SEC61B: variants seen among roughly 807,000 people sequenced by gnomAD.
The protein encoded by SEC61B is protein transport protein Sec61 subunit beta.
A neutral mutation model predicts 12.6 loss-of-function variants in SEC61B; 7 were observed. That is an observed-to-expected ratio of 0.55 (90% CI 0.32 to 1.04). The LOEUF (loss-of-function observed/expected upper bound fraction) is 1.04, where lower values mean the gene tolerates loss of function less well. SEC61B is among the 50% of genes least tolerant of loss of function. SEC61B has a pLI of 0.05. For synonymous variants in SEC61B, 54 were observed against 50.1 expected, an observed-to-expected ratio of 1.08 and a Z score of -0.33; for missense variants, 107 against 130.1, an observed-to-expected ratio of 0.82 and a Z score of 0.86.
rs1828831005 is a variant in SEC61B, at chr9:99,222,304, T to C, written c.-60T>C. On this transcript the variant is annotated 5_prime_UTR_variant, in exon 1 of 4. Coordinates refer to ENST00000223641, the MANE Select transcript of SEC61B (RefSeq NM_006808.3). ...GTCAGTCTCGCCAGCTGCCGGTCTT[T>C]CGGGGGCTCCGTAACTTTCTATCCG... The C allele has an allele frequency of 1.2e-6, 2 of 1,613,874 alleles. No homozygotes were observed. Among genetic ancestry groups the C allele is most frequent in the Non-Finnish European group, 1.7e-6 (2 of 1,179,828 alleles).
intron 2 of SEC61B, 128 bp downstream of exon 2, chr9:99,222,771 G>T: frequency 1.5e-6 from 1 of 675,438 alleles, no homozygotes; most frequent in East Asian, 2.9e-5. Context: ...TGACGTGGCC[G>T]TGGGAGTAGT....
chr9:99,222,306 G>C lies in SEC61B; in HGVS notation c.-58G>C, dbSNP rs558601987. 1.2e-5 allele frequency: 20 copies of C among 1,613,662 alleles called. No individual in the cohort carries two copies. The highest frequency in any genetic ancestry group is 2.7e-5 in the African/African-American group (2 of 75,020). On this transcript the variant is annotated 5_prime_UTR_variant, in exon 1 of 4. Coordinates refer to ENST00000223641, the MANE Select transcript of SEC61B (RefSeq NM_006808.3). Reference sequence around the variant, plus strand: ...CAGTCTCGCCAGCTGCCGGTCTTTCGGGGGCTCCGTAACTTTCTATCCGTC... The same window carrying C: ...CAGTCTCGCCAGCTGCCGGTCTTTCCGGGGCTCCGTAACTTTCTATCCGTC...
At chr9:99,225,467 A>AT (rs952612632) in intron 2 of SEC61B, among the ~76,000 whole-genome samples, 1 of 152,156 alleles carries the variant, frequency 6.6e-6, no homozygotes, top group Non-Finnish European at 1.5e-5. Flanking sequence ...AAGTATGAAG[A>AT]TTCTGAGGTC....
intron 3 of SEC61B, 29 bp from the exon 4 acceptor site, chr9:99,230,308 G>A (rs913605727): frequency 7.0e-7 from 1 of 1,430,758 alleles, no homozygotes; most frequent in Non-Finnish European, 9.8e-7. Context: ...ATTACTAAAA[G>A]TAAGCATGCT....
At chr9:99,227,093 CTG>C (rs1828905988) in intron 2 of SEC61B, among the ~76,000 whole-genome samples, 1 of 151,868 alleles carries the variant, frequency 6.6e-6, no homozygotes, top group South Asian at 2.1e-4. Flanking sequence ...TGGTGAAACC[CTG>C]TCTCTACTAA....
chr9:99,230,543 G>C lies in SEC61B; in HGVS notation c.*119G>C. The stretch of plus-strand genomic sequence containing the variant: ...TTTTCTGTAAGCTTGCTGTTTTACA[G>C]GGGATTTATCAATAATTGATTTTGA... On this transcript the variant is annotated 3_prime_UTR_variant, in exon 4 of 4. Coordinates refer to ENST00000223641, the MANE Select transcript of SEC61B (RefSeq NM_006808.3). The C allele has an allele frequency of 1.5e-6, 1 of 680,750 alleles. No homozygotes were observed. The highest frequency in any genetic ancestry group is 2.6e-6 in the Non-Finnish European group (1 of 390,290). The allele number at this position is 680,750 out of a possible 1,614,324, so 42.2% of individuals were successfully genotyped here. A position where few individuals can be genotyped will look rare whatever the true frequency, so the allele number is the denominator to read the frequency against.
chr9:99,224,572 C>T (rs897929084), intron 2 of SEC61B, among the ~76,000 whole-genome samples: 1 of 152,088 alleles, frequency 6.6e-6, no homozygotes, highest in African/African-American at 2.4e-5. Flanking sequence ...AATGAAATAA[C>T]TGATGCACAA....
rs756894282 is a variant in SEC61B at position 99,222,329 on chromosome 9, G to A, written c.-35G>A. The A allele has an allele frequency of 2.1e-5, 34 of 1,613,946 alleles. No individual in the cohort carries two copies. The Admixed American group carries it at 5.7e-4, about 27-fold the overall frequency. On this transcript the variant is annotated 5_prime_UTR_variant, in exon 1 of 4. Transcript: ENST00000223641. Reference sequence around the variant, plus strand: ...TCGGGGGCTCCGTAACTTTCTATCCGTCCGCGTCAGCGCCTTGCCACCCTC... The same window carrying A: ...TCGGGGGCTCCGTAACTTTCTATCCATCCGCGTCAGCGCCTTGCCACCCTC...
rs1828885014 is a variant in SEC61B at position 99,225,585 on chromosome 9, C to G, written c.102-2314C>G. 2.0e-5 allele frequency among the ~76,000 whole-genome samples: 3 copies of G among 152,170 alleles called. No homozygotes were observed. The South Asian group carries it at 6.2e-4, about 32-fold the overall frequency. ...GAGGTATAGAAGGGAGAGACAGTTA[C>G]ACAGTGGCCAGAAAGAAAGGGTAAA... On this transcript the variant is annotated intron_variant, in intron 2 of 3. Coordinates refer to ENST00000223641, the MANE Select transcript of SEC61B (RefSeq NM_006808.3).
intron 3 of SEC61B, among the ~76,000 whole-genome samples, chr9:99,228,913 G>A (rs1329944204): frequency 6.6e-6 from 1 of 152,138 alleles, no homozygotes; most frequent in Non-Finnish European, 1.5e-5. Flanking sequence ...TAAGTCCTAT[G>A]CTCTTTGCAT....
intron 2 of SEC61B, among the ~76,000 whole-genome samples, chr9:99,226,744 AG>A (rs761786290): frequency 6.6e-6 from 1 of 152,114 alleles, no homozygotes; most frequent in Non-Finnish European, 1.5e-5. Context: ...CCGGTGACTG[AG>A]GGCTTCTCCC....
chr9:99,228,038 GGCAGCAGA>G (rs1266383969), intron 3 of SEC61B, 38 bp downstream of exon 3: 1 of 1,517,000 alleles, frequency 6.6e-7, no homozygotes, highest in Non-Finnish European at 9.1e-7. Flanking sequence ...TCTGTCCAGT[GGCAGCAGA>G]GCAGCAGTGG....
Position 99,222,602 on chromosome 9 carries a change from A to G in SEC61B, c.60A>G (p.Lys20=). ...NVGSSGRSPS[K]AVAARAAGST... ...GATCCTCAGGGCGCTCTCCCAGCAA[A>G]GCAGTGGCCGCCCGGGCGGCGGGAT... Residue 20 remains lysine (K), a synonymous_variant, in exon 2 of 4, where the codon AAA becomes AAG. Transcript: ENST00000223641. The G allele has an allele frequency of 6.4e-7, 1 of 1,555,836 alleles. No homozygotes were observed. Among genetic ancestry groups the G allele is most frequent in the Non-Finnish European group, 8.7e-7 (1 of 1,149,796 alleles).
At chr9:99,226,561 C>T (rs1408391601) in intron 2 of SEC61B, among the ~76,000 whole-genome samples, 2 of 152,196 alleles carry the variant, frequency 1.3e-5, no homozygotes, top group African/African-American at 4.8e-5. Context: ...TAGGCTTCCC[C>T]TCTCCTCCCC....
Position 99,227,922 on chromosome 9 carries a change from G to A in SEC61B, c.125G>A (p.Arg42Lys). Residue 42 changes from arginine (R) to lysine (K), a missense_variant, in exon 3 of 4, where the codon AGG (arginine) becomes AAG (lysine). By Grantham distance (26) the Arg-to-Lys change is conservative. Coordinates refer to ENST00000223641, the MANE Select transcript of SEC61B (RefSeq NM_006808.3). ...RQRKNASCGT[R>K]SAGRTTSAGT... ...AGGAAAAATGCCAGCTGTGGGACAA[G>A]GAGTGCAGGCCGCACAACCTCGGCA... The A allele has an allele frequency of 6.2e-7, 1 of 1,614,056 alleles. No individual in the cohort carries two copies. Among genetic ancestry groups the A allele is most frequent in the Non-Finnish European group, 8.5e-7 (1 of 1,179,980 alleles).
chr9:99,230,369 T>C lies in SEC61B; in HGVS notation c.236T>C (p.Leu79Pro). The change falls in exon 4 of 4, where the codon CTG (leucine) becomes CCG (proline). Residue 79 changes from leucine to proline, a missense_variant. Coordinates refer to ENST00000223641, the MANE Select transcript of SEC61B (RefSeq NM_006808.3). Reference protein sequence around the residue: ...GPVPVLVMSLLFIASVFMLHI... With the variant: ...GPVPVLVMSLPFIASVFMLHI... ...GTTCCAGTATTGGTTATGAGTCTTC[T>C]GTTCATCGCTTCTGTATTTATGTTG... 1 of 1,611,708 alleles carries C rather than the reference T, an allele frequency of 6.2e-7. No homozygotes were observed. The highest frequency in any genetic ancestry group is 8.5e-7 in the Non-Finnish European group (1 of 1,178,692).
intron 2 of SEC61B, 71 bp downstream of exon 2, chr9:99,222,714 G>A (rs1423621303): frequency 9.3e-7 from 1 of 1,079,936 alleles, no homozygotes; most frequent in Non-Finnish European, 1.3e-6. Context: ...ATTCTGGGGT[G>A]GAGACCCTAG....
At chr9:99,227,108 A>C (rs186386524) in intron 2 of SEC61B, among the ~76,000 whole-genome samples, 1 of 152,122 alleles carries the variant, frequency 6.6e-6, no homozygotes, top group Admixed American at 6.5e-5. Flanking sequence ...TCTACTAAAA[A>C]TACAAAAATT....
chr9:99,227,422 T>TA (rs750251506), intron 2 of SEC61B, among the ~76,000 whole-genome samples: 36 of 152,236 alleles, frequency 2.4e-4, no homozygotes, highest in Admixed American at 4.6e-4. Flanking sequence ...ATACATCTTT[T>TA]AAAGTAGCCA....
Sources: allele counts gnomAD v4.1 joint callset (sites outside exome capture counted in the v4.1 genomes callset), GRCh38; gene constraint gnomAD v4.1.1; transcripts MANE v1.5; gene names NCBI Gene and HGNC (gene_info 2026-07-23, HGNC 2026-07-21).